The following RABGAP1L variants were observed in gnomAD, a reference collection of about 807,000 sequenced individuals.
RABGAP1L encodes rab GTPase-activating protein 1-like.
RABGAP1L carries 63 observed loss-of-function variants against 137.7 expected under a neutral mutation model. The ratio of observed to expected loss-of-function variants is 0.46; its 90% CI spans 0.37 to 0.56. The LOEUF (loss-of-function observed/expected upper bound fraction) is 0.56, where lower values mean the gene tolerates loss of function less well. Ranked by LOEUF, RABGAP1L falls within the 20% of genes least tolerant of loss-of-function variation. The pLI, the probability that RABGAP1L is intolerant of heterozygous loss-of-function variation, is 0.00. For synonymous variants in RABGAP1L, 431 were observed against 433.7 expected (o/e 0.99, Z 0.08); for missense variants, 1,095 against 1,244.0 (o/e 0.88, Z 1.80).
chr1:174,641,748 A>C (rs940712175), intron 14 of RABGAP1L, among the ~76,000 whole-genome samples: 1 of 152,178 alleles, frequency 6.6e-6, no homozygotes, highest in Non-Finnish European at 1.5e-5. Flanking sequence ...TCTAAGAATG[A>C]GGGAAATTTG....
At chr1:174,519,436 T>C (rs1044846519) in intron 13 of RABGAP1L, among the ~76,000 whole-genome samples, 1 of 152,044 alleles carries the variant, frequency 6.6e-6, no homozygotes, top group African/African-American at 2.4e-5. Context: ...CACCGTTTTA[T>C]GTTTTTCTGC....
At chr1:174,478,463 G>A (rs1444144263) in intron 13 of RABGAP1L, among the ~76,000 whole-genome samples, 1 of 151,948 alleles carries the variant, frequency 6.6e-6, no homozygotes, top group Non-Finnish European at 1.5e-5. Context: ...TTTTTTAAGA[G>A]ATGGTGTCTC....
At chr1:174,223,264 T>TAAAAAAAAAAAA (rs550034492) in intron 3 of RABGAP1L, among the ~76,000 whole-genome samples, 4 of 39,898 alleles carry the variant, frequency 1.0e-4, no homozygotes, top group African/African-American at 2.4e-4. Flanking sequence ...AGACTCTGTC[T>TAAAAAAAAAAAA]AAAAAAAAAA....
intron 14 of RABGAP1L, 29 bp from the exon 15 acceptor site, chr1:174,683,493 A>G (rs755268451): frequency 3.9e-6 from 6 of 1,526,446 alleles, no homozygotes. Context: ...ACTATTTACG[A>G]TATTTCTTTC....
At chr1:174,537,806 T>C (rs991337878) in intron 13 of RABGAP1L, among the ~76,000 whole-genome samples, 7 of 152,164 alleles carry the variant, frequency 4.6e-5, no homozygotes, top group African/African-American at 7.2e-5. Flanking sequence ...AGTTATAATT[T>C]TTTTCAACTC....
intron 7 of RABGAP1L, among the ~76,000 whole-genome samples, chr1:174,257,354 T>G (rs186760754): frequency 5.9e-5 from 9 of 152,324 alleles, no homozygotes; most frequent in African/African-American, 2.2e-4. Context: ...AATGCAATCC[T>G]TCCTTTTCTC....
intron 13 of RABGAP1L, among the ~76,000 whole-genome samples, chr1:174,562,037 G>A (rs1199717047): frequency 6.6e-6 from 1 of 152,130 alleles, no homozygotes; most frequent in African/African-American, 2.4e-5. Context: ...CTTCTGCACA[G>A]AAAGAGACAG....
chr1:174,812,094 C>T, intron 19 of RABGAP1L, 134 bp downstream of exon 19: 2 of 827,144 alleles, frequency 2.4e-6, no homozygotes, highest in Middle Eastern at 3.9e-4. Flanking sequence ...ACTGATTTCT[C>T]CCAGATGTGT....
intron 14 of RABGAP1L, among the ~76,000 whole-genome samples, chr1:174,674,332 G>T (rs1302737279): frequency 6.8e-6 from 1 of 146,266 alleles, no homozygotes; most frequent in Admixed American, 7.2e-5. Context: ...AGTGGAACAT[G>T]TGGTGTTTGG....
chr1:174,287,491 A>G (rs530546458), intron 10 of RABGAP1L, among the ~76,000 whole-genome samples: 1 of 152,094 alleles, frequency 6.6e-6, no homozygotes, highest in South Asian at 2.1e-4. Context: ...GTCACTCTAT[A>G]TCTTTGTTTT....
At chr1:174,777,205 T>A (rs74405334) in intron 18 of RABGAP1L, among the ~76,000 whole-genome samples, 10,980 of 152,250 alleles carry the variant, frequency 0.072, 1,360 homozygotes, top group African/African-American at 0.25. Context: ...TTTCTTTTTA[T>A]GTGATGGTAT....
chr1:174,235,109 A>G (rs1671052555), intron 4 of RABGAP1L, among the ~76,000 whole-genome samples: 1 of 143,630 alleles, frequency 7.0e-6, no homozygotes, highest in African/African-American at 2.7e-5. Flanking sequence ...ATTTTTGTAC[A>G]TTGATTTTGT....
chr1:174,258,583 G>A (rs555459117), intron 7 of RABGAP1L, among the ~76,000 whole-genome samples: 11 of 152,270 alleles, frequency 7.2e-5, no homozygotes, highest in African/African-American at 2.6e-4. Flanking sequence ...GATTATAGGC[G>A]TGAGCCACTG....
chr1:174,217,933 T>C (rs1052345497), intron 1 of RABGAP1L, among the ~76,000 whole-genome samples: 2 of 152,136 alleles, frequency 1.3e-5, no homozygotes, highest in African/African-American at 2.4e-5. Context: ...GCTATACTTA[T>C]AGGCTATAAT....
chr1:174,172,756 T>G (rs1665522325), intron 1 of RABGAP1L, among the ~76,000 whole-genome samples: 1 of 152,234 alleles, frequency 6.6e-6, no homozygotes, highest in African/African-American at 2.4e-5. Flanking sequence ...TTTTGGATAT[T>G]AACCCTTTAC....
At chr1:174,803,920 A>G (rs1688993872) in intron 18 of RABGAP1L, among the ~76,000 whole-genome samples, 1 of 152,154 alleles carries the variant, frequency 6.6e-6, no homozygotes, top group African/African-American at 2.4e-5. Flanking sequence ...TAAAAATACA[A>G]AAATTAGTCA....
At chr1:174,856,240 C>T (rs1157845389) in intron 19 of RABGAP1L, among the ~76,000 whole-genome samples, 1 of 151,904 alleles carries the variant, frequency 6.6e-6, no homozygotes, top group Non-Finnish European at 1.5e-5. Flanking sequence ...ACTAAAACTA[C>T]AAAAAATTAG....
intron 17 of RABGAP1L, among the ~76,000 whole-genome samples, chr1:174,712,092 C>T (rs1680574273): frequency 6.6e-6 from 1 of 152,152 alleles, no homozygotes; most frequent in Non-Finnish European, 1.5e-5. Flanking sequence ...CAGTCAGCAC[C>T]CTGTCAAAAC....
At chr1:174,685,757 C>A (rs1395786176) in intron 15 of RABGAP1L, among the ~76,000 whole-genome samples, 1 of 152,040 alleles carries the variant, frequency 6.6e-6, no homozygotes, top group Non-Finnish European at 1.5e-5. Flanking sequence ...GATGGGGTTT[C>A]ACCATGTTAG....
Sources: gnomAD v4.1 joint callset for allele counts (sites outside exome capture counted in the v4.1 genomes callset) on GRCh38, gnomAD v4.1.1 for gene constraint, MANE v1.5 for transcripts, NCBI Gene and HGNC (gene_info 2026-07-23, HGNC 2026-07-21) for gene names.